Variants in IGSF21 observed in about 807,000 individuals in gnomAD.
IGSF21 encodes the protein immunoglobulin superfamily member 21.
A neutral mutation model predicts 46.8 loss-of-function variants in IGSF21; 28 were observed. That is an observed-to-expected ratio of 0.60 (90% CI 0.44 to 0.82). The LOEUF (loss-of-function observed/expected upper bound fraction) is 0.82, where lower values mean the gene tolerates loss of function less well. IGSF21 is among the 40% of genes least tolerant of loss of function. The probability of loss-of-function intolerance (pLI) is 0.00; values close to 1 mark genes in which losing one functional copy is unlikely to be tolerated. For missense variants in IGSF21, 624 were observed against 665.5 expected, an observed-to-expected ratio of 0.94 and a Z score of 0.69; for synonymous variants, 284 against 273.6, an observed-to-expected ratio of 1.04 and a Z score of -0.38.
chr1:18,231,617 A>C (rs1369303503), intron 2 of IGSF21, among the ~76,000 whole-genome samples: 1 of 152,240 alleles, frequency 6.6e-6, no homozygotes, highest in Non-Finnish European at 1.5e-5. Flanking sequence ...AAATTAAATC[A>C]AATTAATTTT....
chr1:18,150,841 C>T (rs1331707024), intron 1 of IGSF21, among the ~76,000 whole-genome samples: 1 of 152,266 alleles, frequency 6.6e-6, no homozygotes, highest in East Asian at 1.9e-4. Context: ...AATGCCATTA[C>T]ACTCTGGATC....
Position 18,290,204 on chromosome 1 carries a change from C to T in IGSF21, c.184-1662C>T, listed in dbSNP as rs946570517. 6.6e-6 allele frequency among the ~76,000 whole-genome samples: 1 copy of T among 152,150 alleles called. No homozygotes were observed. Among genetic ancestry groups the T allele is most frequent in the Non-Finnish European group, 1.5e-5 (1 of 68,020 alleles). ...TCCCCGTCCTCCTCATCTTCCTCCA[C>T]TCTCATGGTCCCGTTTCAGAAGCTG... On this transcript the variant is annotated intron_variant, in intron 2 of 9. Transcript: ENST00000251296. The surrounding 1 kb of genome is among the most constrained non-coding windows in gnomAD (Gnocchi z 4.2).
chr1:18,110,051 G>A (rs1415449245), intron 1 of IGSF21: 1 of 152,318 alleles, frequency 6.6e-6, no homozygotes, highest in Non-Finnish European at 1.5e-5. Flanking sequence ...GCTGCAGAGA[G>A]CTGACCCGGC....
At chr1:18,236,468 G>T (rs2084673952) in intron 2 of IGSF21, among the ~76,000 whole-genome samples, 1 of 152,206 alleles carries the variant, frequency 6.6e-6, no homozygotes, top group South Asian at 2.1e-4. Flanking sequence ...CACAGGGACA[G>T]GCGTCAAGCA....
chr1:18,191,610 T>G (rs941967944), intron 1 of IGSF21, among the ~76,000 whole-genome samples: 2 of 152,104 alleles, frequency 1.3e-5, no homozygotes, highest in Admixed American at 1.3e-4. Context: ...AGCACACGGC[T>G]TGAGCTGTGT....
At chr1:18,360,567 G>A (rs1433304748) in intron 4 of IGSF21, among the ~76,000 whole-genome samples, 1 of 152,078 alleles carries the variant, frequency 6.6e-6, no homozygotes, top group African/African-American at 2.4e-5. Context: ...AACTTAACTA[G>A]AGTGAAAACC....
chr1:18,292,976 G>T (rs534652970), intron 3 of IGSF21, among the ~76,000 whole-genome samples: 2 of 152,330 alleles, frequency 1.3e-5, no homozygotes, highest in South Asian at 4.2e-4. Flanking sequence ...GAGGGGGACC[G>T]TGCTGCATCG....
intron 1 of IGSF21, among the ~76,000 whole-genome samples, chr1:18,121,846 C>T (rs2086236603): frequency 1.3e-5 from 2 of 152,186 alleles, no homozygotes; most frequent in South Asian, 4.1e-4. Context: ...TTACCCAGCC[C>T]CTGTTCCATG....
chr1:18,128,140 C>G (rs115047601), intron 1 of IGSF21, among the ~76,000 whole-genome samples: 3,057 of 152,178 alleles, frequency 0.02, 42 homozygotes, highest in Non-Finnish European at 0.029. Context: ...CTACTGTGTG[C>G]CTGGGAGGTG....
At chr1:18,128,597 G>A (rs1251340525) in intron 1 of IGSF21, among the ~76,000 whole-genome samples, 2 of 152,124 alleles carry the variant, frequency 1.3e-5, no homozygotes, top group Non-Finnish European at 2.9e-5. Context: ...AGCATTCCAG[G>A]CCCCAGGGAA....
intron 2 of IGSF21, among the ~76,000 whole-genome samples, chr1:18,273,834 G>A (rs575437951): frequency 9.2e-5 from 14 of 152,190 alleles, no homozygotes; most frequent in South Asian, 8.3e-4. Flanking sequence ...CTCTCACTGG[G>A]ACCTGAGATA....
chr1:18,198,092 A>C (rs979271247), intron 1 of IGSF21, among the ~76,000 whole-genome samples: 2 of 152,254 alleles, frequency 1.3e-5, no homozygotes, highest in South Asian at 2.1e-4. Context: ...ATTTTAAATA[A>C]AATTTCAGTT....
At chr1:18,305,335 A>G (rs1194221322) in intron 3 of IGSF21, among the ~76,000 whole-genome samples, 1 of 150,042 alleles carries the variant, frequency 6.7e-6, no homozygotes, top group Non-Finnish European at 1.5e-5. Context: ...TGATGGATGG[A>G]TGGATGCATG....
chr1:18,276,354 T>A (rs1398770917), intron 2 of IGSF21, among the ~76,000 whole-genome samples: 1 of 152,150 alleles, frequency 6.6e-6, no homozygotes, highest in African/African-American at 2.4e-5. Flanking sequence ...AAGGTCCCCC[T>A]CCTTCTCCAG....
At chr1:18,129,843 T>C (rs1324924583) in intron 1 of IGSF21, among the ~76,000 whole-genome samples, 1 of 152,188 alleles carries the variant, frequency 6.6e-6, no homozygotes, top group Non-Finnish European at 1.5e-5. Flanking sequence ...ATGGGTCGGA[T>C]TGGTGCTGTT....
chr1:18,283,373 C>G (rs1027520408), intron 2 of IGSF21, among the ~76,000 whole-genome samples: 2 of 152,214 alleles, frequency 1.3e-5, no homozygotes, highest in African/African-American at 4.8e-5. Context: ...TCTGCCTCTT[C>G]TTGTCTTTGG....
At chr1:18,200,451 A>G (rs2087060776) in intron 1 of IGSF21, among the ~76,000 whole-genome samples, 1 of 152,146 alleles carries the variant, frequency 6.6e-6, no homozygotes, top group Non-Finnish European at 1.5e-5. Context: ...CCTGCAGGGA[A>G]TAATCCATCC....
In IGSF21 at chr1:18,214,631, A is replaced by G. The variant is rs537870306; in HGVS notation, c.71-13267A>G. 1.6e-3 allele frequency among the ~76,000 whole-genome samples: 247 copies of G among 152,348 alleles called. 3 individuals are homozygous for G. Among genetic ancestry groups the G allele is most frequent in the African/African-American group, 5.7e-3 (236 of 41,588 alleles). On this transcript the variant is annotated intron_variant, in intron 1 of 9. Coordinates refer to ENST00000251296, the MANE Select transcript of IGSF21 (RefSeq NM_032880.5). The stretch of plus-strand genomic sequence containing the variant: ...TCTGCATGGTTGGGGAGGCCTTGGG[A>G]AACTTACAGTCATGGAGGAAGGTGA...
In IGSF21 at chr1:18,334,458, A is replaced by T. The variant is rs906026148; in HGVS notation, c.306-434A>T. ...CAGTTTCCTTGTTTATGAAATGGGA[A>T]TATGGACCCTATGTGGAGGCCGTCA... On this transcript the variant is annotated intron_variant, in intron 3 of 9. Transcript: ENST00000251296. This position sits in a 1 kb window ranked among gnomAD's most constrained non-coding sequence, Gnocchi z 4.3. 1.3e-5 allele frequency among the ~76,000 whole-genome samples: 2 copies of T among 152,192 alleles called. No individual in the cohort carries two copies. The highest frequency in any genetic ancestry group is 4.8e-5 in the African/African-American group (2 of 41,454).
Sources: gnomAD v4.1 joint callset for allele counts (sites outside exome capture counted in the v4.1 genomes callset) on GRCh38, gnomAD v4.1.1 for gene constraint, Gnocchi (gnomAD v3.1) non-coding constraint, MANE v1.5 for transcripts, NCBI Gene and HGNC (gene_info 2026-07-23, HGNC 2026-07-21) for gene names.